The following MAP3K1 variants were observed in gnomAD, a reference collection of about 807,000 sequenced individuals.
MAP3K1 encodes the protein MAP/ERK kinase kinase 1.
Under a neutral mutation model 144.2 loss-of-function variants are expected in MAP3K1, and 36 were observed. The observed-to-expected ratio is 0.25, with a 90% CI of 0.19 to 0.33. The LOEUF is 0.33. Ranked by LOEUF, MAP3K1 falls within the 10% of genes least tolerant of loss-of-function variation. MAP3K1 has a pLI of 1.00. For missense variants in MAP3K1, 1,650 were observed against 1,881.9 expected, an observed-to-expected ratio of 0.88 and a Z score of 2.28; for synonymous variants, 718 against 688.7, an observed-to-expected ratio of 1.04 and a Z score of -0.67.
rs1487520503 is a variant in MAP3K1, at chr5:56,887,367, TTTG to T, written c.4115-7_4115-5del. 6.2e-7 allele frequency: 1 copy of T among 1,613,994 alleles called. No homozygotes were observed. Among genetic ancestry groups the T allele is most frequent in the East Asian group, 2.2e-5 (1 of 44,892 alleles). ...TTAACATACAAGGTCATTTGCTGTGTTTGTTGACAGGTGCCAATTTGCTAATTG... is the reference window on the plus strand; with the variant it reads ...TTAACATACAAGGTCATTTGCTGTGTTTGACAGGTGCCAATTTGCTAATTG... On this transcript the variant is annotated splice_polypyrimidine_tract_variant and splice_region_variant and intron_variant, in intron 17 of 19. Transcript: ENST00000399503.
At chr5:56,835,348 GTTGA>G (rs1746616796) in intron 1 of MAP3K1, among the ~76,000 whole-genome samples, 1 of 143,594 alleles carries the variant, frequency 7.0e-6, no homozygotes, top group Admixed American at 7.0e-5. Flanking sequence ...GCAGGGAAGA[GTTGA>G]CAGGAAGGCA....
At chr5:56,862,699 A>G (rs1276202220) in intron 3 of MAP3K1, among the ~76,000 whole-genome samples, 1 of 152,232 alleles carries the variant, frequency 6.6e-6, no homozygotes, top group Non-Finnish European at 1.5e-5. Flanking sequence ...GTGAGCATGT[A>G]TCTGTGAACA....
At chr5:56,879,240 T>C (rs981561517) in intron 11 of MAP3K1, 139 bp downstream of exon 11, 1 of 1,239,532 alleles carries the variant, frequency 8.1e-7, no homozygotes, top group South Asian at 1.2e-5. Flanking sequence ...AGATTTAAAA[T>C]GAAAATGCAG....
intron 1 of MAP3K1, among the ~76,000 whole-genome samples, chr5:56,846,434 C>T (rs1260404289): frequency 6.6e-6 from 1 of 152,138 alleles, no homozygotes; most frequent in East Asian, 1.9e-4. Flanking sequence ...TTCTCCTCAC[C>T]TGCTCTTTAA....
chr5:56,860,063 AC>A, intron 3 of MAP3K1, 148 bp downstream of exon 3: 1 of 748,116 alleles, frequency 1.3e-6, no homozygotes, highest in South Asian at 1.6e-5. Flanking sequence ...GGTTCCTGAG[AC>A]CCTTTCTGGG....
In MAP3K1 at chr5:56,886,013, G is replaced by T; in HGVS notation, c.4064G>T (p.Arg1355Leu). ...VVINYTEQLL[R>L]GLSYLHENQI... ...ATTAACTACACTGAACAGTTACTCCGTGGCCTTTCGTATCTCCATGAAAAC... is the reference window on the plus strand; with the variant it reads ...ATTAACTACACTGAACAGTTACTCCTTGGCCTTTCGTATCTCCATGAAAAC... The change falls in exon 17 of 20, where the codon CGT becomes CTT. Residue 1355 changes from arginine to leucine, a missense_variant. By Grantham distance (102) the Arg-to-Leu change is moderately radical (BLOSUM62 -2). This residue lies in a region of MAP3K1 where 165 missense variants were observed against 322.9 expected (regional missense o/e 0.51). Coordinates refer to ENST00000399503, the MANE Select transcript of MAP3K1 (RefSeq NM_005921.2). 1 of 1,612,072 alleles carries T rather than the reference G, an allele frequency of 6.2e-7. No individual in the cohort carries two copies. Among genetic ancestry groups the T allele is most frequent in the Non-Finnish European group, 8.5e-7 (1 of 1,178,200 alleles).
At chr5:56,880,210 T>G (rs1748163979) in intron 11 of MAP3K1, among the ~76,000 whole-genome samples, 1 of 152,206 alleles carries the variant, frequency 6.6e-6, no homozygotes, top group Non-Finnish European at 1.5e-5. Context: ...GCTGCTCACT[T>G]TTTGAAACTC....
At chr5:56,836,623 C>T (rs1270825910) in intron 1 of MAP3K1, among the ~76,000 whole-genome samples, 1 of 152,058 alleles carries the variant, frequency 6.6e-6, no homozygotes, top group Non-Finnish European at 1.5e-5. Flanking sequence ...TTACATGAGG[C>T]TAGTTGTGTG....
chr5:56,890,064 T>C (rs989187950), intron 19 of MAP3K1, among the ~76,000 whole-genome samples: 3 of 152,302 alleles, frequency 2.0e-5, no homozygotes, highest in East Asian at 1.9e-4. Context: ...CAGATTCTCA[T>C]AGCATTTTAG....
rs572042425 is a variant in MAP3K1, at chr5:56,894,475, A to G, written c.*795A>G. ...TTTTGTTTTTTTAAATTGGAATACA[A>G]TAAAGTACTACCTACATTTGAGTCA... is the stretch of plus-strand genomic sequence containing the variant. On this transcript the variant is annotated 3_prime_UTR_variant, in exon 20 of 20. Coordinates refer to ENST00000399503, the MANE Select transcript of MAP3K1 (RefSeq NM_005921.2). The G allele has an allele frequency of 1.5e-4, 36 of 232,670 alleles. No homozygotes were observed. Among genetic ancestry groups the G allele is most frequent in the African/African-American group, 6.6e-4 (30 of 45,428 alleles). The allele number at this position is 232,670 out of a possible 1,614,324, so 14.4% of individuals were successfully genotyped here.
At chr5:56,854,453 AAG>A (rs1747274375) in intron 1 of MAP3K1, among the ~76,000 whole-genome samples, 2 of 146,340 alleles carry the variant, frequency 1.4e-5, no homozygotes, top group African/African-American at 2.5e-5. Context: ...AAAAAAAAGA[AAG>A]AAAAAAGAAA....
At chr5:56,847,332 C>T (rs1862621) in intron 1 of MAP3K1, among the ~76,000 whole-genome samples, 15,138 of 152,308 alleles carry the variant, frequency 0.099, 1,216 homozygotes, top group East Asian at 0.34. Flanking sequence ...CGTGGTGGCT[C>T]ATGCCTGTAA....
At chr5:56,883,853 T>C (rs1455666371) in intron 15 of MAP3K1, among the ~76,000 whole-genome samples, 174 bp downstream of exon 15, 1 of 152,184 alleles carries the variant, frequency 6.6e-6, no homozygotes, top group Non-Finnish European at 1.5e-5. Context: ...AATTCTGTTA[T>C]TGTTAAAAGT....
chr5:56,855,160 C>T (rs1468708876), intron 1 of MAP3K1, among the ~76,000 whole-genome samples: 1 of 151,848 alleles, frequency 6.6e-6, no homozygotes, highest in African/African-American at 2.4e-5. Context: ...TTCTTCCCTT[C>T]TCTCCATCCC....
intron 11 of MAP3K1, among the ~76,000 whole-genome samples, chr5:56,879,873 C>A (rs75342435): frequency 6.6e-6 from 1 of 152,184 alleles, no homozygotes; most frequent in Non-Finnish European, 1.5e-5. Context: ...CTTCTGTTGC[C>A]TCTTCCATTT....
Position 56,858,296 on chromosome 5 carries a change from G to A in MAP3K1, c.634-1419G>A, listed in dbSNP as rs563651302. ...ATAAATCACAACTTTTTAAAAATGA[G>A]CCAGCTATTTGTTCTTTATTATACA... On this transcript the variant is annotated intron_variant, in intron 2 of 19. Transcript: ENST00000399503. 2.6e-5 allele frequency among the ~76,000 whole-genome samples: 4 copies of A among 152,264 alleles called. No homozygotes were observed. The East Asian group carries it at 5.8e-4, about 22-fold the overall frequency.
At chr5:56,832,229 G>A (rs983663166) in intron 1 of MAP3K1, among the ~76,000 whole-genome samples, 20 of 152,214 alleles carry the variant, frequency 1.3e-4, no homozygotes, top group Admixed American at 1.1e-3. Flanking sequence ...AAAATACTAG[G>A]ATTTATGGTC....
At chr5:56,831,187 T>G (rs1229293886) in intron 1 of MAP3K1, among the ~76,000 whole-genome samples, 3 of 32,370 alleles carry the variant, frequency 9.3e-5, no homozygotes, top group Non-Finnish European at 4.5e-4. Context: ...ATGTTGGGTT[T>G]TTTTTTTTTT....
intron 3 of MAP3K1, among the ~76,000 whole-genome samples, chr5:56,861,895 T>G (rs1747526704): frequency 1.3e-5 from 2 of 151,384 alleles, no homozygotes; most frequent in Non-Finnish European, 2.9e-5. Context: ...GGAGTTTGGG[T>G]TTTTTTTTAA....
Sources: allele counts gnomAD v4.1 joint callset (sites outside exome capture counted in the v4.1 genomes callset), GRCh38; gene constraint gnomAD v4.1.1; regional missense constraint gnomAD v4.1.1; transcripts MANE v1.5; gene names NCBI Gene and HGNC (gene_info 2026-07-23, HGNC 2026-07-21).